Variants in USP45 observed in about 807,000 individuals in gnomAD.
USP45 encodes ubiquitin carboxyl-terminal hydrolase 45.
USP45 carries 89 observed loss-of-function variants against 95.8 expected under a neutral mutation model. The observed-to-expected ratio is 0.93, with a 90% CI of 0.78 to 1.11. USP45 has a LOEUF of 1.11. USP45 is among the 50% of genes least tolerant of loss of function. USP45 has a pLI of 0.00. For synonymous variants in USP45, 281 were observed against 316.2 expected, an observed-to-expected ratio of 0.89 and a Z score of 1.18; for missense variants, 898 against 942.5, an observed-to-expected ratio of 0.95 and a Z score of 0.62.
At chr6:99,484,454 T>C (rs1178720374) in intron 7 of USP45, among the ~76,000 whole-genome samples, 1 of 151,916 alleles carries the variant, frequency 6.6e-6, no homozygotes, top group African/African-American at 2.4e-5. Context: ...TGCTAGGGGA[T>C]TACAGGAATG....
intron 13 of USP45, among the ~76,000 whole-genome samples, chr6:99,454,525 A>AAT (rs938557285): frequency 6.6e-6 from 1 of 152,164 alleles, no homozygotes; most frequent in Non-Finnish European, 1.5e-5. Flanking sequence ...AATGGGAGAA[A>AAT]ATATCTGCAA....
intron 13 of USP45, chr6:99,461,526 T>G (rs1054256387): frequency 1.0e-6 from 1 of 985,290 alleles, no homozygotes; most frequent in Non-Finnish European, 1.2e-6. Flanking sequence ...TATTTGCCTG[T>G]TATCAGTAAG....
chr6:99,482,878 T>C lies in USP45; in HGVS notation c.720A>G (p.Pro240=), dbSNP rs1157646086. Residue 240 remains proline (P), a synonymous_variant, in exon 8 of 18, where the codon CCA becomes CCG. Transcript: ENST00000500704. ...IFPSSDSQLD[P]LVVELSRPGP... ...CAGGCCTTGAAAGTTCCACCACCAATGGGTCCTTTAAAAACATGATCAACT... is the reference window on the plus strand; with the variant it reads ...CAGGCCTTGAAAGTTCCACCACCAACGGGTCCTTTAAAAACATGATCAACT... 2.6e-6 allele frequency: 4 copies of C among 1,525,712 alleles called. No individual in the cohort carries two copies. Among genetic ancestry groups the C allele is most frequent in the Non-Finnish European group, 3.5e-6 (4 of 1,140,386 alleles). The allele number at this position is 1,525,712 out of a possible 1,614,324, so 94.5% of individuals were successfully genotyped here. A position where few individuals can be genotyped will look rare whatever the true frequency, so the allele number is the denominator to read the frequency against.
chr6:99,472,670 A>C (rs1270315394), intron 9 of USP45, among the ~76,000 whole-genome samples: 1 of 152,208 alleles, frequency 6.6e-6, no homozygotes, highest in African/African-American at 2.4e-5. Context: ...TTTATTGTTC[A>C]CAATACAAAA....
At chr6:99,461,763 A>G in intron 13 of USP45, 1 of 984,536 alleles carries the variant, frequency 1.0e-6, no homozygotes, top group Non-Finnish European at 1.2e-6. Flanking sequence ...GTATAATTTT[A>G]AAAGATGCAA....
chr6:99,507,652 G>A, intron 3 of USP45, 121 bp from the exon 4 acceptor site: 2 of 644,244 alleles, frequency 3.1e-6, no homozygotes, highest in Admixed American at 3.1e-5. Flanking sequence ...GGCCAGAGGA[G>A]AAAGTTTCAA....
intron 13 of USP45, among the ~76,000 whole-genome samples, chr6:99,458,271 G>A (rs112438555): frequency 0.028 from 4,328 of 152,104 alleles, 148 homozygotes; most frequent in African/African-American, 0.09. Flanking sequence ...TGCCTGCCTC[G>A]GCCTCCCAAA....
At chr6:99,459,972 G>A (rs1415121758) in intron 13 of USP45, among the ~76,000 whole-genome samples, 1 of 151,930 alleles carries the variant, frequency 6.6e-6, no homozygotes, top group Admixed American at 6.6e-5. Context: ...TGCTTTTTTT[G>A]CCTCACATAA....
intron 14 of USP45, among the ~76,000 whole-genome samples, chr6:99,445,523 T>G (rs1312409363): frequency 6.6e-5 from 10 of 151,744 alleles, no homozygotes; most frequent in Non-Finnish European, 1.3e-4. Context: ...TTCTTCTGGA[T>G]AGATTTCAGA....
At position 99,452,749 on chromosome 6, in the gene USP45, T is replaced by A. The variant is rs578248340; in HGVS notation, c.1309-6286A>T. 1.2e-3 allele frequency among the ~76,000 whole-genome samples: 179 copies of A among 152,216 alleles called. 1 individual carries two copies. Among genetic ancestry groups the A allele is most frequent in the Non-Finnish European group, 1.2e-3 (80 of 68,034 alleles). Reference sequence around the variant, plus strand: ...ACACGTATGTTTATTGTGGCACTATTCACAATAGCAAAGACTTGGAACCAA... The same window carrying A: ...ACACGTATGTTTATTGTGGCACTATACACAATAGCAAAGACTTGGAACCAA... On this transcript the variant is annotated intron_variant, in intron 13 of 17. Transcript: ENST00000500704.
Position 99,445,983 on chromosome 6 carries a change from A to C in USP45, c.1789T>G (p.Ser597Ala), listed in dbSNP as rs371052042. 15 of 1,613,986 alleles carry C rather than the reference A, an allele frequency of 9.3e-6. No individual in the cohort carries two copies. The East Asian group carries it at 1.1e-4, about 12-fold the overall frequency. Residue 597 changes from serine to alanine, a missense_variant, in exon 14 of 18, where the codon TCT (serine) becomes GCT (alanine). Coordinates refer to ENST00000500704, the MANE Select transcript of USP45 (RefSeq NM_001346022.3). ...LCFLEGKHLR[S>A]YSPQNAFQTL... ...TGAAAAGCATTTTGGGGACTATAAG[A>C]CCTCAAATGCTTCCCCTCTAAAAAA...
intron 5 of USP45, chr6:99,501,917 A>T (rs916007480): frequency 1.6e-6 from 2 of 1,289,922 alleles, no homozygotes. Flanking sequence ...TGGGTCCCTC[A>T]GGCCACATTT....
intron 17 of USP45, among the ~76,000 whole-genome samples, chr6:99,436,917 C>T (rs1214596560): frequency 6.6e-6 from 1 of 151,894 alleles, no homozygotes; most frequent in African/African-American, 2.4e-5. Flanking sequence ...CTGGCCAACA[C>T]GGCGAAACCC....
rs1562282122 is a variant in USP45, at chr6:99,433,163, A to G, written c.*2553T>C. The G allele has an allele frequency of 6.6e-6, 1 of 152,006 alleles. No individual in the cohort carries two copies. Among genetic ancestry groups the G allele is most frequent in the African/African-American group, 2.4e-5 (1 of 41,036 alleles). 9.4% of individuals were successfully genotyped at this position (152,006 alleles called of 1,614,324 possible). On this transcript the variant is annotated 3_prime_UTR_variant, in exon 18 of 18. Coordinates refer to ENST00000500704, the MANE Select transcript of USP45 (RefSeq NM_001346022.3). ...GGCTAACAAATTGATACCAACTATC[A>G]CTCTTCTCAGCTACCTAAAAAGGTG...
At chr6:99,460,958 T>C (rs1382101571) in intron 13 of USP45, 1 of 985,118 alleles carries the variant, frequency 1.0e-6, no homozygotes, top group African/African-American at 1.7e-5. Flanking sequence ...GATTCTGGTC[T>C]TATAATTGAA....
At chr6:99,443,118 G>A (rs1192760520) in intron 15 of USP45, among the ~76,000 whole-genome samples, 1 of 152,022 alleles carries the variant, frequency 6.6e-6, no homozygotes, top group Non-Finnish European at 1.5e-5. Flanking sequence ...TTGGGAGGCT[G>A]AGGCAGGAGA....
At chr6:99,515,962 A>G (rs1223292754), upstream of USP45, among the ~76,000 whole-genome samples, 1 of 151,602 alleles carries the variant, frequency 6.6e-6, no homozygotes, top group Non-Finnish European at 1.5e-5. Flanking sequence ...TTTGTTTAGT[A>G]GAGACGGGGT....
chr6:99,486,846 A>C (rs959648244), intron 7 of USP45, among the ~76,000 whole-genome samples: 3 of 151,310 alleles, frequency 2.0e-5, no homozygotes, highest in Non-Finnish European at 4.4e-5. Flanking sequence ...CACACACACA[A>C]ACACACACAC....
chr6:99,473,777 A>AACACACACACACACAC (rs60031754), intron 9 of USP45, among the ~76,000 whole-genome samples: 5,227 of 127,664 alleles, frequency 0.041, 173 homozygotes, highest in African/African-American at 0.059. Context: ...AAAAAAACAA[A>AACACACACACACACAC]ACACACACAC....
Sources: gnomAD v4.1 joint callset for allele counts (sites outside exome capture counted in the v4.1 genomes callset) on GRCh38, gnomAD v4.1.1 for gene constraint, MANE v1.5 for transcripts, NCBI Gene and HGNC (gene_info 2026-07-23, HGNC 2026-07-21) for gene names.